Variants in CYSTM1 observed in about 807,000 individuals in gnomAD.
The protein encoded by CYSTM1 is cysteine rich transmembrane module containing 1.
A neutral mutation model predicts 13.1 loss-of-function variants in CYSTM1; 4 were observed. The observed-to-expected ratio is 0.31, with a 90% CI of 0.15 to 0.70. The LOEUF (loss-of-function observed/expected upper bound fraction) is 0.70, where lower values mean the gene tolerates loss of function less well. Ranked by LOEUF, CYSTM1 falls within the 30% of genes least tolerant of loss-of-function variation. The probability of loss-of-function intolerance (pLI) is 0.72; values close to 1 mark genes in which losing one functional copy is unlikely to be tolerated. For missense variants in CYSTM1, 96 were observed against 121.6 expected (o/e 0.79, Z 0.99); for synonymous variants, 36 against 42.7 (o/e 0.84, Z 0.62).
Position 140,181,065 on chromosome 5 carries a change from T to C in CYSTM1, c.-21+5780T>C, listed in dbSNP as rs116383237. On this transcript the variant is annotated intron_variant, in intron 1 of 2. Transcript: ENST00000261811. ...GGAAACAGTTGAACTACAAAGACATTTGGGGAGAGGAAGACCTGGGAAATG... is the reference window on the plus strand; with the variant it reads ...GGAAACAGTTGAACTACAAAGACATCTGGGGAGAGGAAGACCTGGGAAATG... Among the ~76,000 whole-genome samples, 548 of 152,244 alleles carry C rather than the reference T, an allele frequency of 3.6e-3. 5 individuals carry two copies. Among genetic ancestry groups the C allele is most frequent in the African/African-American group, 0.012 (481 of 41,542 alleles).
At chr5:140,226,269 G>A (rs1764547985) in intron 2 of CYSTM1, among the ~76,000 whole-genome samples, 1 of 151,470 alleles carries the variant, frequency 6.6e-6, no homozygotes, top group East Asian at 1.9e-4. Context: ...GTTATTACCT[G>A]TCCAAGGTTA....
intron 2 of CYSTM1, among the ~76,000 whole-genome samples, chr5:140,211,499 G>A (rs978638932): frequency 1.3e-5 from 2 of 152,208 alleles, no homozygotes; most frequent in African/African-American, 2.4e-5. Flanking sequence ...TCTTAGAGAA[G>A]CTATAATAAC....
rs542283994 is a variant in CYSTM1, at chr5:140,223,588, G to A, written c.188-19717G>A. On this transcript the variant is annotated intron_variant, in intron 2 of 2. Coordinates refer to ENST00000261811, the MANE Select transcript of CYSTM1 (RefSeq NM_032412.4). ...TACCCTGATGGTTACCTTATTTTCC[G>A]GATGCTGGAGGACAAAGGCGGGAGT... is the stretch of plus-strand genomic sequence containing the variant. 2.1e-3 allele frequency among the ~76,000 whole-genome samples: 321 copies of A among 152,282 alleles called. 1 individual carries two copies. The highest frequency in any genetic ancestry group is 7.2e-3 in the African/African-American group (300 of 41,558).
chr5:140,206,535 A>G (rs1764299894), intron 2 of CYSTM1, among the ~76,000 whole-genome samples: 1 of 151,858 alleles, frequency 6.6e-6, no homozygotes, highest in South Asian at 2.1e-4. Context: ...TCTCATCTGT[A>G]CAGAATCCTG....
chr5:140,213,777 G>T (rs1561814211), intron 2 of CYSTM1, among the ~76,000 whole-genome samples: 1 of 152,170 alleles, frequency 6.6e-6, no homozygotes, highest in Non-Finnish European at 1.5e-5. Flanking sequence ...ATAGGTGATA[G>T]TATATATCCT....
chr5:140,240,020 GC>G (rs1764728736), intron 2 of CYSTM1, among the ~76,000 whole-genome samples: 1 of 152,046 alleles, frequency 6.6e-6, no homozygotes, highest in Non-Finnish European at 1.5e-5. Flanking sequence ...CTGGAACCCA[GC>G]TCCGGTCCCT....
intron 2 of CYSTM1, among the ~76,000 whole-genome samples, chr5:140,212,983 G>GTATATA (rs150669111): frequency 0.017 from 1,896 of 114,210 alleles, 38 homozygotes; most frequent in African/African-American, 0.021. Flanking sequence ...CAAAACAAAA[G>GTATATA]TATATATATA....
At chr5:140,196,287 C>T (rs892945911) in intron 2 of CYSTM1, among the ~76,000 whole-genome samples, 8 of 152,172 alleles carry the variant, frequency 5.3e-5, no homozygotes, top group Non-Finnish European at 1.2e-4. Flanking sequence ...TTGTTCCTCT[C>T]CTGCCTTTTC....
At chr5:140,208,038 C>T (rs1764318211) in intron 2 of CYSTM1, among the ~76,000 whole-genome samples, 1 of 152,086 alleles carries the variant, frequency 6.6e-6, no homozygotes, top group South Asian at 2.1e-4. Flanking sequence ...TTGGAGGTTC[C>T]TCAAAAAACT....
intron 2 of CYSTM1, among the ~76,000 whole-genome samples, chr5:140,213,012 A>ATATATAT: frequency 1.2e-5 from 1 of 84,636 alleles, no homozygotes; most frequent in Non-Finnish European, 2.7e-5. Context: ...TATATATATG[A>ATATATAT]GAGAGAGAGA....
chr5:140,177,738 A>C (rs1379096906), intron 1 of CYSTM1, among the ~76,000 whole-genome samples: 6 of 152,210 alleles, frequency 3.9e-5, no homozygotes, highest in Non-Finnish European at 8.8e-5. Flanking sequence ...AGATTATGAT[A>C]GTGATTTTTA....
At chr5:140,189,881 G>T (rs1350795333) in intron 1 of CYSTM1, among the ~76,000 whole-genome samples, 1 of 151,836 alleles carries the variant, frequency 6.6e-6, no homozygotes, top group Non-Finnish European at 1.5e-5. Context: ...AGCTTGATTG[G>T]TTTAGCTTTT....
At chr5:140,213,453 GT>G (rs1396064046) in intron 2 of CYSTM1, among the ~76,000 whole-genome samples, 1 of 152,084 alleles carries the variant, frequency 6.6e-6, no homozygotes, top group Non-Finnish European at 1.5e-5. Flanking sequence ...AAAGAAATTT[GT>G]TTTATAAATT....
chr5:140,177,007 T>C (rs1038571145), intron 1 of CYSTM1, among the ~76,000 whole-genome samples: 5 of 140,786 alleles, frequency 3.6e-5, no homozygotes, highest in Admixed American at 7.8e-5. Context: ...AGGTGGAGCT[T>C]GCAGTGAGCC....
At chr5:140,199,014 TTC>T (rs1764187010) in intron 2 of CYSTM1, among the ~76,000 whole-genome samples, 1 of 152,112 alleles carries the variant, frequency 6.6e-6, no homozygotes, top group South Asian at 2.1e-4. Context: ...TGTCCATGTG[TTC>T]TCTTTGTTCA....
intron 2 of CYSTM1, chr5:140,202,352 T>C (rs1251722459): frequency 1.3e-5 from 2 of 152,234 alleles, no homozygotes; most frequent in Non-Finnish European, 2.9e-5. Context: ...GAAACTGATC[T>C]CACCCTAAGG....
intron 1 of CYSTM1, among the ~76,000 whole-genome samples, chr5:140,185,381 T>C (rs912814654): frequency 1.6e-4 from 25 of 152,346 alleles, no homozygotes; most frequent in African/African-American, 5.8e-4. Context: ...TATTCATTCA[T>C]TGACTATATG....
At chr5:140,184,019 T>C (rs572523293) in intron 1 of CYSTM1, among the ~76,000 whole-genome samples, 1 of 152,364 alleles carries the variant, frequency 6.6e-6, no homozygotes, top group Admixed American at 6.5e-5. Flanking sequence ...GCCATGTGGC[T>C]ACTTTACCTA....
At chr5:140,226,534 A>C (rs10073049) in intron 2 of CYSTM1, among the ~76,000 whole-genome samples, 22,828 of 113,928 alleles carry the variant, frequency 0.2, 2,519 homozygotes, top group South Asian at 0.23. Context: ...TAATATATTT[A>C]TATATATTAA....
Sources: gnomAD v4.1 joint callset for allele counts (sites outside exome capture counted in the v4.1 genomes callset) on GRCh38, gnomAD v4.1.1 for gene constraint, MANE v1.5 for transcripts, NCBI Gene and HGNC (gene_info 2026-07-23, HGNC 2026-07-21) for gene names.